The following NCOR2 variants were observed in gnomAD, a reference collection of about 807,000 sequenced individuals.
NCOR2 encodes CTG repeat protein 26.
A neutral mutation model predicts 262.9 loss-of-function variants in NCOR2; 81 were observed. The ratio of observed to expected loss-of-function variants is 0.31; its 90% CI spans 0.26 to 0.37. NCOR2 has a LOEUF of 0.37. Ranked by LOEUF, NCOR2 falls within the 10% of genes least tolerant of loss-of-function variation. NCOR2 has a pLI of 1.00. For missense variants in NCOR2, 3,385 were observed against 3,621.4 expected (o/e 0.93, Z 1.68); for synonymous variants, 1,659 against 1,559.3 (o/e 1.06, Z -1.51).
rs1027404502 is a variant in NCOR2 at position 124,411,779 on chromosome 12, C to T, written c.1482+8178G>A. On this transcript the variant is annotated intron_variant, in intron 13 of 46. Coordinates refer to ENST00000405201, the Ensembl canonical transcript of NCOR2. ...ACCTCAGGGTGGTGGTGATGGGGCT[C>T]GGAGCCCAAGAGAGGATGCTCGGGC... Among the ~76,000 whole-genome samples the T allele has an allele frequency of 4.6e-5, 7 of 152,210 alleles. 1 individual carries two copies. Among genetic ancestry groups the T allele is most frequent in the East Asian group, 1.9e-4 (1 of 5,200 alleles).
intron 2 of NCOR2, 45 bp downstream of exon 4, chr12:124,486,396 G>A (rs1309384555): frequency 1.2e-6 from 2 of 1,605,124 alleles, no homozygotes; most frequent in Non-Finnish European, 1.7e-6. Flanking sequence ...CATCTGAGAA[G>A]GAGCTCTCAC....
chr12:124,387,869 G>A (rs889597937), intron 16 of NCOR2, among the ~76,000 whole-genome samples: 2 of 152,212 alleles, frequency 1.3e-5, no homozygotes, highest in South Asian at 2.1e-4. Context: ...GGGCGAGAGG[G>A]GGCGGGTCTC....
intron 10 of NCOR2, among the ~76,000 whole-genome samples, chr12:124,428,085 G>GTGTGTGTGTGTGTA (rs2043679967): frequency 6.8e-6 from 1 of 147,158 alleles, no homozygotes; most frequent in Non-Finnish European, 1.5e-5. Flanking sequence ...GTGTGTGTGT[G>GTGTGTGTGTGTGTA]TGTACATGCA....
rs376597572 is a variant in NCOR2 at position 124,373,549 on chromosome 12, G to A, written c.2218+864C>T. Among the ~76,000 whole-genome samples, 100 of 95,474 alleles carry A rather than the reference G, an allele frequency of 1.0e-3. 1 individual carries two copies. The East Asian group carries it at 0.015, about 15-fold the overall frequency. 62.6% of individuals were successfully genotyped at this position (95,474 alleles called of 152,430 possible). A position where few individuals can be genotyped will look rare whatever the true frequency, so the allele number is the denominator to read the frequency against. On this transcript the variant is annotated intron_variant, in intron 19 of 46. Transcript: ENST00000405201. The stretch of plus-strand genomic sequence containing the variant: ...GCACAGTGGACAGTGAGGCCAGTGC[G>A]TGCGCAGGGGCCCCGGGCACAGTGG...
chr12:124,327,298 T>C (rs551579406), intron 45 of NCOR2, 111 bp downstream of exon 47: 713 of 894,076 alleles, frequency 8.0e-4, no homozygotes, highest in Non-Finnish European at 1.1e-3. Context: ...AAAAATAAAG[T>C]CACAAGCTCC....
At chr12:124,388,268 G>A (rs1360894682) in intron 16 of NCOR2, among the ~76,000 whole-genome samples, 2 of 152,198 alleles carry the variant, frequency 1.3e-5, no homozygotes, top group East Asian at 3.9e-4. Flanking sequence ...GTGCCGGCCA[G>A]GGCTGCGGGG....
intron 11 of NCOR2, among the ~76,000 whole-genome samples, chr12:124,423,678 C>A (rs1485583580): frequency 6.6e-6 from 1 of 152,328 alleles, no homozygotes; most frequent in African/African-American, 2.4e-5. Flanking sequence ...CCCTGCAAAC[C>A]CCTCCCACGG....
At chr12:124,400,182 C>CT (rs2041919289) in intron 15 of NCOR2, among the ~76,000 whole-genome samples, 1 of 152,196 alleles carries the variant, frequency 6.6e-6, no homozygotes, top group Non-Finnish European at 1.5e-5. Flanking sequence ...GTTGAAGCCA[C>CT]TGAACTCTTC....
At chr12:124,404,226 G>C (rs943385198) in intron 13 of NCOR2, among the ~76,000 whole-genome samples, 13 of 152,230 alleles carry the variant, frequency 8.5e-5, no homozygotes, top group African/African-American at 2.9e-4. Flanking sequence ...GAGTGATGTG[G>C]CTGGCTGGGG....
chr12:124,336,154 G>C (rs921840846), intron 38 of NCOR2: 2 of 163,954 alleles, frequency 1.2e-5, no homozygotes, highest in Non-Finnish European at 2.7e-5. Flanking sequence ...GCTGGGGACA[G>C]GGCAAGATGC....
intron 6 of NCOR2, among the ~76,000 whole-genome samples, chr12:124,450,377 G>A (rs1478277543): frequency 6.6e-6 from 1 of 152,212 alleles, no homozygotes. Context: ...TGGGAGCATG[G>A]TGTATGGGCA....
intron 11 of NCOR2, among the ~76,000 whole-genome samples, chr12:124,424,252 C>T (rs2043399510): frequency 1.3e-5 from 2 of 152,118 alleles, no homozygotes; most frequent in South Asian, 2.1e-4. Flanking sequence ...ATCATGCCTA[C>T]CAGGGGGAAC....
upstream of NCOR2, among the ~76,000 whole-genome samples, chr12:124,495,769 G>A (rs922638247): frequency 6.6e-5 from 10 of 152,150 alleles, no homozygotes; most frequent in Non-Finnish European, 1.0e-4. The surrounding 1 kb of genome is among the most constrained non-coding windows in gnomAD (Gnocchi z 4.4). Context: ...CAGGAGGGGC[G>A]GCCGGCAGCA....
At chr12:124,427,682 AC>A (rs1350326704) in intron 10 of NCOR2, among the ~76,000 whole-genome samples, 1 of 151,912 alleles carries the variant, frequency 6.6e-6, no homozygotes, top group Non-Finnish European at 1.5e-5. Context: ...TGTCTCCCAG[AC>A]CCTTGGAGCT....
chr12:124,362,179 C>T, exon 22 of NCOR2: 4 of 1,308,652 alleles, frequency 3.1e-6, no homozygotes, highest in Non-Finnish European at 3.9e-6. Context: ...GGGGCTGCTG[C>T]CAGGCTGCTG....
At chr12:124,395,100 G>A (rs921797582) in intron 16 of NCOR2, among the ~76,000 whole-genome samples, 4 of 152,224 alleles carry the variant, frequency 2.6e-5, no homozygotes, top group African/African-American at 9.6e-5. Context: ...AGGGAGGGGT[G>A]GGGCTGGCTC....
upstream of NCOR2, among the ~76,000 whole-genome samples, chr12:124,536,974 T>G (rs1402630989): frequency 2.6e-5 from 4 of 152,168 alleles, no homozygotes; most frequent in Non-Finnish European, 5.9e-5. Flanking sequence ...AGGAACCAAG[T>G]GCAGACACAC....
intron 18 of NCOR2, among the ~76,000 whole-genome samples, chr12:124,375,344 T>A (rs1395392770): frequency 6.6e-6 from 1 of 152,160 alleles, no homozygotes; most frequent in Non-Finnish European, 1.5e-5. Flanking sequence ...AACTTCTCGG[T>A]CTCACAGTTA....
At chr12:124,335,690 G>A in intron 38 of NCOR2, 58 bp from the exon 41 acceptor site, 14 of 1,538,146 alleles carry the variant, frequency 9.1e-6, no homozygotes, top group Non-Finnish European at 9.6e-6. Context: ...GGAGCCCGAG[G>A]GGCAGGGCTG....
Sources: allele counts gnomAD v4.1 joint callset (sites outside exome capture counted in the v4.1 genomes callset), GRCh38; gene constraint gnomAD v4.1.1; non-coding constraint Gnocchi (gnomAD v3.1); transcripts MANE v1.5; gene names NCBI Gene and HGNC (gene_info 2026-07-23, HGNC 2026-07-21).